PCSK6: variants seen among roughly 807,000 people sequenced by gnomAD.
PCSK6 encodes the protein proprotein convertase subtilisin/kexin type 6, also known as paired basic amino acid cleaving enzyme 4.
Under a neutral mutation model 123.3 loss-of-function variants are expected in PCSK6, and 85 were observed. That is an observed-to-expected ratio of 0.69 (90% CI 0.58 to 0.83). The LOEUF is 0.83. Ranked by LOEUF, PCSK6 falls within the 40% of genes least tolerant of loss-of-function variation. PCSK6 has a pLI of 0.00. For missense variants in PCSK6, 1,191 were observed against 1,282.3 expected (o/e 0.93, Z 1.09); for synonymous variants, 508 against 516.0 (o/e 0.98, Z 0.21).
chr15:101,404,572 A>AG (rs746475888), intron 6 of PCSK6, among the ~76,000 whole-genome samples: 3 of 152,196 alleles, frequency 2.0e-5, no homozygotes, highest in Admixed American at 2.0e-4. Context: ...AGCTCACGGT[A>AG]GGGGAAGAGA....
chr15:101,382,190 A>G lies in PCSK6; in HGVS notation c.1434T>C (p.Phe478=). 6.2e-7 allele frequency: 1 copy of G among 1,611,584 alleles called. No homozygotes were observed. Among genetic ancestry groups the G allele is most frequent in the Non-Finnish European group, 8.5e-7 (1 of 1,178,986 alleles). Residue 478 remains phenylalanine, a synonymous_variant, in exon 11 of 22, where the codon TTT becomes TTC. Transcript: ENST00000611716. ...CGAGAGCTTCTGCGTCCACCAAACC[A>G]AATCCATAGAAATGGCTAACTGAAA... is the stretch of plus-strand genomic sequence containing the variant. ...AGHKVSHFYG[F]GLVDAEALVV...
chr15:101,384,775 A>G (rs908041407), intron 9 of PCSK6, among the ~76,000 whole-genome samples: 2 of 152,240 alleles, frequency 1.3e-5, no homozygotes, highest in Non-Finnish European at 2.9e-5. Flanking sequence ...ACTTGGGGTT[A>G]TTCTTCATCC....
chr15:101,480,311 T>C (rs902846703), intron 1 of PCSK6, among the ~76,000 whole-genome samples: 4 of 152,214 alleles, frequency 2.6e-5, no homozygotes, highest in African/African-American at 9.6e-5. Context: ...ATTCAGTAAA[T>C]GGGTCCATGT....
chr15:101,347,015 T>C (rs1299557806), intron 13 of PCSK6: 6 of 1,231,520 alleles, frequency 4.9e-6, no homozygotes, highest in Non-Finnish European at 4.0e-6. Flanking sequence ...TTAATGCAAA[T>C]GGGGTTAAAA....
intron 6 of PCSK6, among the ~76,000 whole-genome samples, chr15:101,407,075 G>C (rs978835868): frequency 6.6e-6 from 1 of 152,098 alleles, no homozygotes; most frequent in South Asian, 2.1e-4. Context: ...GAGAAGGGCC[G>C]TGACCAGCGT....
chr15:101,459,981 G>A (rs1450599998), intron 1 of PCSK6, among the ~76,000 whole-genome samples: 1 of 152,154 alleles, frequency 6.6e-6, no homozygotes, highest in Admixed American at 6.5e-5. Flanking sequence ...CACCTCGAGG[G>A]AGAGAGATGT....
intron 7 of PCSK6, among the ~76,000 whole-genome samples, chr15:101,394,242 T>C (rs1470823635): frequency 6.6e-6 from 1 of 151,460 alleles, no homozygotes; most frequent in Non-Finnish European, 1.5e-5. Flanking sequence ...TCAGAGTAGC[T>C]GTGCCTATAG....
intron 20 of PCSK6, chr15:101,307,644 C>T (rs1368425484): frequency 1.0e-5 from 3 of 300,482 alleles, no homozygotes; most frequent in Non-Finnish European, 1.9e-5. Flanking sequence ...TGGCACCCAG[C>T]CCCCACCCCA....
chr15:101,317,200 C>T (rs2040011990), intron 19 of PCSK6, among the ~76,000 whole-genome samples: 1 of 152,218 alleles, frequency 6.6e-6, no homozygotes, highest in South Asian at 2.1e-4. Context: ...GCATGAACCA[C>T]TGTGCCCGGC....
intron 11 of PCSK6, among the ~76,000 whole-genome samples, chr15:101,372,923 T>C (rs955253307): frequency 2.6e-5 from 4 of 152,132 alleles, no homozygotes; most frequent in Admixed American, 1.3e-4. Context: ...CAATCTGCTC[T>C]AGAAATAGAC....
chr15:101,468,727 A>C (rs1383906573), intron 1 of PCSK6, among the ~76,000 whole-genome samples: 4 of 152,238 alleles, frequency 2.6e-5, no homozygotes, highest in Non-Finnish European at 5.9e-5. Flanking sequence ...CAGTGGTCAC[A>C]GTATGGACTG....
intron 13 of PCSK6, among the ~76,000 whole-genome samples, chr15:101,344,452 TA>T (rs2141394355): frequency 6.6e-6 from 1 of 152,300 alleles, no homozygotes; most frequent in South Asian, 2.1e-4. Flanking sequence ...CTTTTTGCCA[TA>T]ACATTTCTGT....
intron 15 of PCSK6, among the ~76,000 whole-genome samples, chr15:101,328,317 C>T (rs1009943094): frequency 2.6e-5 from 4 of 152,274 alleles, no homozygotes; most frequent in South Asian, 2.1e-4. Flanking sequence ...GGCAGGAGTG[C>T]GACAGGGAGG....
At chr15:101,310,779 G>A (rs1490910147) in intron 20 of PCSK6, among the ~76,000 whole-genome samples, 2 of 150,684 alleles carry the variant, frequency 1.3e-5, no homozygotes, top group African/African-American at 5.0e-5. Flanking sequence ...ACCCACAGTG[G>A]TTCTTACACA....
Position 101,370,342 on chromosome 15 carries a change from C to A in PCSK6, c.1714G>T (p.Ala572Ser). Residue 572 changes from alanine (A) to serine (S), a missense_variant, in exon 12 of 22, where the codon GCA becomes TCA. Coordinates refer to ENST00000611716, the MANE Select transcript of PCSK6 (RefSeq NM_002570.5). The part of the protein sequence containing the change: ...SPSGTKSQLL[A>S]KRLLDLSNEG... ...ACGCCTGCCTCGCCTTACCTCTTTG[C>A]CAGAAGTTGAGACTTGGTTCCCGAG... The A allele has an allele frequency of 6.5e-7, 1 of 1,539,684 alleles. No homozygotes were observed. The highest frequency in any genetic ancestry group is 1.4e-5 in the African/African-American group (1 of 73,058).
At chr15:101,335,707 A>G (rs1052692571) in intron 13 of PCSK6, among the ~76,000 whole-genome samples, 1 of 152,210 alleles carries the variant, frequency 6.6e-6, no homozygotes, top group Non-Finnish European at 1.5e-5. Flanking sequence ...TCCCCTACTC[A>G]TGGACGTTTA....
intron 9 of PCSK6, among the ~76,000 whole-genome samples, chr15:101,386,910 GTT>G (rs1348844614): frequency 6.6e-6 from 1 of 152,180 alleles, no homozygotes; most frequent in African/African-American, 2.4e-5. Context: ...GCGCTACACT[GTT>G]TTGTATGGCG....
chr15:101,489,599 G>T lies in PCSK6; in HGVS notation c.72C>A (p.Ala24=). 2 of 963,286 alleles carry T rather than the reference G, an allele frequency of 2.1e-6. No homozygotes were observed. The highest frequency in any genetic ancestry group is 2.4e-6 in the Non-Finnish European group (2 of 817,580). 59.7% of individuals were successfully genotyped at this position (963,286 alleles called of 1,614,324 possible). A position where few individuals can be genotyped will look rare whatever the true frequency, so the allele number is the denominator to read the frequency against. Residue 24 remains alanine (A), a synonymous_variant, in exon 1 of 22, where the codon GCC becomes GCA. Transcript: ENST00000611716. ...PPRAAAATDT[A]AGAGGAGGAG... is the part of the protein sequence containing the mutation. ...CGCCCCCCGCGCCCCCCGCGCCCGC[G>T]GCGGTGTCGGTGGCGGCGGCGGCCC...
At chr15:101,449,995 C>T (rs1026140396) in intron 1 of PCSK6, among the ~76,000 whole-genome samples, 3 of 152,084 alleles carry the variant, frequency 2.0e-5, no homozygotes, top group African/African-American at 7.2e-5. Context: ...CACATAACTT[C>T]CACCACGCCA....
Sources: allele counts gnomAD v4.1 joint callset (sites outside exome capture counted in the v4.1 genomes callset), GRCh38; gene constraint gnomAD v4.1.1; transcripts MANE v1.5; gene names NCBI Gene and HGNC (gene_info 2026-07-23, HGNC 2026-07-21).